Variants in ACAN observed in about 807,000 individuals in gnomAD.
The protein encoded by ACAN is aggrecan.
In ACAN, 47 loss-of-function variants were observed where a neutral mutation model predicts 169.1. The observed-to-expected ratio is 0.28, with a 90% confidence interval of 0.22 to 0.35. ACAN has a LOEUF of 0.35. ACAN is among the 10% of genes least tolerant of loss of function. ACAN has a pLI of 1.00. For synonymous variants in ACAN, 1,115 were observed against 1,112.2 expected (o/e 1.00, Z -0.05); for missense variants, 2,716 against 2,759.9 (o/e 0.98, Z 0.36).
In ACAN at chr15:88,843,480, G is replaced by C; in HGVS notation, c.883G>C (p.Asp295His). 8 of 1,612,132 alleles carry C rather than the reference G, an allele frequency of 5.0e-6. No individual in the cohort carries two copies. The highest frequency in any genetic ancestry group is 6.8e-6 in the Non-Finnish European group (8 of 1,179,324). Reference protein sequence around the residue: ...QLYLAWQAGMDMCSAGWLADR... With the variant: ...QLYLAWQAGMHMCSAGWLADR... Reference sequence around the variant, plus strand: ...CTACCTGGCCTGGCAGGCTGGCATGGACATGTGCAGCGCCGGCTGGCTGGC... The same window carrying C: ...CTACCTGGCCTGGCAGGCTGGCATGCACATGTGCAGCGCCGGCTGGCTGGC... The change falls in exon 6 of 19, where the codon GAC becomes CAC. Residue 295 changes from aspartate (D) to histidine (H), a missense_variant. By Grantham distance (81) the Asp-to-His change is moderately conservative. Coordinates refer to ENST00000560601, the MANE Select transcript of ACAN (RefSeq NM_001369268.1). This position sits in a 1 kb window ranked among gnomAD's most constrained non-coding sequence, Gnocchi z 4.0.
chr15:88,846,988 G>C (rs1411714170), intron 7 of ACAN, among the ~76,000 whole-genome samples: 1 of 152,218 alleles, frequency 6.6e-6, no homozygotes. Flanking sequence ...CCAAACTCAA[G>C]TCTATGAACA....
At position 88,856,904 on chromosome 15, in the gene ACAN, C is replaced by T; in HGVS notation, c.4319C>T (p.Thr1440Ile). Residue 1440 changes from threonine (T) to isoleucine (I), a missense_variant, in exon 12 of 19, where the codon ACT becomes ATT. Physicochemically the swap from Thr to Ile is moderately conservative, Grantham distance 89. This residue lies in a region of ACAN where 44 missense variants were observed against 114.7 expected (regional missense o/e 0.38). Transcript: ENST00000560601. ...SGLPSGEVLE[T>I]TAPGVEEISG... ...CTTCCTTCTGGAGAAGTTCTAGAGA[C>T]TACTGCCCCTGGAGTAGAGGAGATC... 1.9e-6 allele frequency: 3 copies of T among 1,592,710 alleles called. No individual in the cohort carries two copies. The highest frequency in any genetic ancestry group is 2.6e-6 in the Non-Finnish European group (3 of 1,165,050).
chr15:88,844,191 G>T (rs942963246), intron 6 of ACAN, among the ~76,000 whole-genome samples: 2 of 151,940 alleles, frequency 1.3e-5, no homozygotes, highest in African/African-American at 4.8e-5. Context: ...CAAGAGTTCA[G>T]TGGTGTAATC....
At position 88,874,083 on chromosome 15, in the gene ACAN, TC is replaced by T. The variant is rs1897452028; in HGVS notation, c.7630+65del. On this transcript the variant is annotated intron_variant, in intron 18 of 18. Coordinates refer to ENST00000560601, the MANE Select transcript of ACAN (RefSeq NM_001369268.1). This position sits in a 1 kb window ranked among gnomAD's most constrained non-coding sequence, Gnocchi z 7.3. ...GGGTTAGATTCTGCCAGCACAGCCTTCCCCCCGTCCCCTCTCCTGGGGACCC... is the reference window on the plus strand; with the variant it reads ...GGGTTAGATTCTGCCAGCACAGCCTTCCCCCGTCCCCTCTCCTGGGGACCC... 3 of 1,584,408 alleles carry T rather than the reference TC, an allele frequency of 1.9e-6. No individual in the cohort carries two copies. Among genetic ancestry groups the T allele is most frequent in the South Asian group, 1.1e-5 (1 of 89,442 alleles).
chr15:88,859,665 G>A lies in ACAN; in HGVS notation c.6832+248G>A, dbSNP rs953066. On this transcript the variant is annotated intron_variant, in intron 12 of 18. Transcript: ENST00000560601. Reference sequence around the variant, plus strand: ...AGATAAAGCAAGCACTTAGCATCACGCTCTGCATGCAGTGCACACTTGTAA... The same window carrying A: ...AGATAAAGCAAGCACTTAGCATCACACTCTGCATGCAGTGCACACTTGTAA... Among the ~76,000 whole-genome samples the A allele has an allele frequency of 0.64, 97,020 of 152,126 alleles. 30,923 individuals carry two copies. Among genetic ancestry groups the A allele is most frequent in the Middle Eastern group, 0.68 (200 of 294 alleles).
chr15:88,805,839 C>T (rs1369915489), intron 1 of ACAN, among the ~76,000 whole-genome samples: 1 of 152,174 alleles, frequency 6.6e-6, no homozygotes, highest in Non-Finnish European at 1.5e-5. Flanking sequence ...TCCACACACC[C>T]AGGCACACCT....
At chr15:88,808,703 G>A (rs528867123) in intron 1 of ACAN, among the ~76,000 whole-genome samples, 5 of 152,262 alleles carry the variant, frequency 3.3e-5, no homozygotes, top group South Asian at 2.1e-4. Flanking sequence ...CACAGCCCCC[G>A]CCCACATACA....
At chr15:88,848,227 C>T (rs1044156506) in intron 9 of ACAN, among the ~76,000 whole-genome samples, 189 bp downstream of exon 9, 1 of 152,158 alleles carries the variant, frequency 6.6e-6, no homozygotes, top group Non-Finnish European at 1.5e-5. Flanking sequence ...AGTGCCTGCT[C>T]TCCTACTGAA....
chr15:88,836,120 T>G, intron 1 of ACAN, 80 bp from the exon 2 acceptor site: 3 of 985,664 alleles, frequency 3.0e-6, no homozygotes, highest in South Asian at 1.4e-5. Flanking sequence ...ATTATCACTT[T>G]GCATCATATG....
chr15:88,855,400 T>A lies in ACAN; in HGVS notation c.2815T>A (p.Ser939Thr), dbSNP rs938609. ...CACTCCTACGGTTGGTGAACTGCCCTCTGGAGCTGAGATCCTAGAGGGCTC... is the reference window on the plus strand; with the variant it reads ...CACTCCTACGGTTGGTGAACTGCCCACTGGAGCTGAGATCCTAGAGGGCTC... ...PSTPTVGELP[S>T]GAEILEGSAS... The change falls in exon 12 of 19, where the codon TCT becomes ACT. Residue 939 changes from serine to threonine, a missense_variant. Coordinates refer to ENST00000560601, the MANE Select transcript of ACAN (RefSeq NM_001369268.1). 0.59 allele frequency: 950,633 copies of A among 1,613,116 alleles called. 291,559 individuals carry two copies. Among genetic ancestry groups the A allele is most frequent in the Non-Finnish European group, 0.65 (761,500 of 1,179,548 alleles).
In ACAN at chr15:88,866,097, C is replaced by G. The variant is rs549735911; in HGVS notation, c.6947-2119C>G. 5.9e-5 allele frequency among the ~76,000 whole-genome samples: 9 copies of G among 152,274 alleles called. No homozygotes were observed. The highest frequency in any genetic ancestry group is 2.2e-4 in the African/African-American group (9 of 41,556). Reference sequence around the variant, plus strand: ...GCCCTGGTCAAACACAGAAAGAAAGCAACGCTCCCCCTCACCCCAACTTGG... The same window carrying G: ...GCCCTGGTCAAACACAGAAAGAAAGGAACGCTCCCCCTCACCCCAACTTGG... On this transcript the variant is annotated intron_variant, in intron 13 of 18. Coordinates refer to ENST00000560601, the MANE Select transcript of ACAN (RefSeq NM_001369268.1). This position sits in a 1 kb window ranked among gnomAD's most constrained non-coding sequence, Gnocchi z 5.6.
intron 1 of ACAN, among the ~76,000 whole-genome samples, chr15:88,832,772 C>A (rs534393609): frequency 6.6e-6 from 1 of 152,172 alleles, no homozygotes; most frequent in Non-Finnish European, 1.5e-5. Flanking sequence ...GGACAGGAAG[C>A]CTCTCTACAA....
chr15:88,859,493 G>A, intron 12 of ACAN, 76 bp downstream of exon 12: 1 of 1,543,500 alleles, frequency 6.5e-7, no homozygotes, highest in Middle Eastern at 1.7e-4. Flanking sequence ...GAAGGAGGCA[G>A]CATAGCTTTA....
intron 4 of ACAN, among the ~76,000 whole-genome samples, chr15:88,841,048 G>A (rs974949175): frequency 1.3e-5 from 2 of 152,236 alleles, no homozygotes; most frequent in African/African-American, 4.8e-5. Context: ...GGGAGGCTGA[G>A]GCAGGAGAAT....
rs935151078 is a variant in ACAN, at chr15:88,871,631, G to A, written c.7219+91G>A. 17 of 1,466,986 alleles carry A rather than the reference G, an allele frequency of 1.2e-5. No homozygotes were observed. Among genetic ancestry groups the A allele is most frequent in the Middle Eastern group, 2.4e-4 (1 of 4,082 alleles). The allele number at this position is 1,466,986 out of a possible 1,614,324, so 90.9% of individuals were successfully genotyped here. On this transcript the variant is annotated intron_variant, in intron 15 of 18. Transcript: ENST00000560601. The surrounding 1 kb of genome is among the most constrained non-coding windows in gnomAD (Gnocchi z 7.8). ...TCAGAAGGCAGCAGATTTGGGCCTCGTGAGACTGCAGGACAGGGACCTGGG... is the reference window on the plus strand; with the variant it reads ...TCAGAAGGCAGCAGATTTGGGCCTCATGAGACTGCAGGACAGGGACCTGGG...
intron 1 of ACAN, among the ~76,000 whole-genome samples, chr15:88,812,735 A>G (rs376994879): frequency 2.8e-4 from 43 of 151,620 alleles, no homozygotes; most frequent in African/African-American, 9.2e-4. Flanking sequence ...CATCCCCTGC[A>G]TTTTTCTTTA....
chr15:88,845,398 CCCAGCAGGGAAGGAGGGGGAGCCATGCT>C (rs1567178662), intron 6 of ACAN, 79 bp from the exon 7 acceptor site: 2 of 1,471,134 alleles, frequency 1.4e-6, no homozygotes, highest in Non-Finnish European at 1.8e-6. Flanking sequence ...GCCCTCCTGC[CCCAGCAGGGAAGGAGGGGGAGCCATGCT>C]CATCTCCAGC....
At chr15:88,860,760 G>A (rs1339973327) in intron 13 of ACAN, among the ~76,000 whole-genome samples, 2 of 152,178 alleles carry the variant, frequency 1.3e-5, no homozygotes, top group African/African-American at 4.8e-5. Flanking sequence ...TCGAGCATGG[G>A]GTGAGTATTA....
At chr15:88,841,312 G>A (rs1020673638) in intron 4 of ACAN, among the ~76,000 whole-genome samples, 1 of 152,154 alleles carries the variant, frequency 6.6e-6, no homozygotes, top group Non-Finnish European at 1.5e-5. Flanking sequence ...TATAGAGTGA[G>A]GCCTAACAAA....
Sources: gnomAD v4.1 joint callset for allele counts (sites outside exome capture counted in the v4.1 genomes callset) on GRCh38, gnomAD v4.1.1 for gene constraint, gnomAD v4.1.1 regional missense constraint, Gnocchi (gnomAD v3.1) non-coding constraint, MANE v1.5 for transcripts, NCBI Gene and HGNC (gene_info 2026-07-23, HGNC 2026-07-21) for gene names.